Variants in TSPAN9 observed in about 807,000 individuals in gnomAD.
TSPAN9 encodes tetraspanin 9.
In TSPAN9, 16 loss-of-function variants were observed where a neutral mutation model predicts 31.0. That is an observed-to-expected ratio of 0.52 (90% CI 0.35 to 0.78). The LOEUF (loss-of-function observed/expected upper bound fraction) is 0.78. TSPAN9 is among the 30% of genes least tolerant of loss of function. The pLI, the probability that TSPAN9 is intolerant of heterozygous loss-of-function variation, is 0.01. For missense variants in TSPAN9, 272 were observed against 312.5 expected (o/e 0.87, Z 0.98); for synonymous variants, 145 against 121.6 (o/e 1.19, Z -1.27).
At chr12:3,089,194 T>C (rs189874450) in intron 2 of TSPAN9, among the ~76,000 whole-genome samples, 3,762 of 145,252 alleles carry the variant, frequency 0.026, 154 homozygotes, top group African/African-American at 0.081. Context: ...ATCGCGCCAC[T>C]GCACTCCAGC....
At chr12:3,099,278 C>T (rs1480172846) in intron 2 of TSPAN9, among the ~76,000 whole-genome samples, 3 of 152,152 alleles carry the variant, frequency 2.0e-5, no homozygotes, top group African/African-American at 4.8e-5. Flanking sequence ...TTCAAGCGCA[C>T]GGATCTTCTG....
At chr12:3,148,530 C>T (rs528766432) in intron 2 of TSPAN9, among the ~76,000 whole-genome samples, 37 of 152,258 alleles carry the variant, frequency 2.4e-4, no homozygotes, top group African/African-American at 8.4e-4. Flanking sequence ...GGGTATGGAA[C>T]GTGGGCAGGG....
intron 2 of TSPAN9, among the ~76,000 whole-genome samples, chr12:3,190,666 A>G (rs1201344857): frequency 6.6e-6 from 1 of 152,192 alleles, no homozygotes; most frequent in African/African-American, 2.4e-5. Flanking sequence ...CTAGGGCCCA[A>G]TCTCTGCTGC....
At chr12:3,278,142 T>G (rs1591722061) in intron 3 of TSPAN9, among the ~76,000 whole-genome samples, 1 of 152,190 alleles carries the variant, frequency 6.6e-6, no homozygotes, top group East Asian at 1.9e-4. Context: ...TTTGCCTCTG[T>G]GTGGTTTAAT....
intron 5 of TSPAN9, among the ~76,000 whole-genome samples, 177 bp downstream of exon 5, chr12:3,279,243 T>A (rs147191345): frequency 6.6e-6 from 1 of 152,060 alleles, no homozygotes; most frequent in East Asian, 1.9e-4. Flanking sequence ...GATGGAAGGT[T>A]TTGATGGGGG....
intron 2 of TSPAN9, among the ~76,000 whole-genome samples, chr12:3,185,618 C>T (rs740767): frequency 0.26 from 38,803 of 152,128 alleles, 5,057 homozygotes; most frequent in East Asian, 0.41. Context: ...ACCCCGGCTG[C>T]CAGCCTGCTG....
chr12:3,139,106 G>A lies in TSPAN9; in HGVS notation c.-18+55387G>A, dbSNP rs1045194538. Among the ~76,000 whole-genome samples the A allele has an allele frequency of 8.5e-5, 13 of 152,144 alleles. No individual in the cohort carries two copies. In the South Asian group the frequency reaches 2.5e-3, roughly 29 times the overall value. On this transcript the variant is annotated intron_variant, in intron 2 of 8. Coordinates refer to ENST00000011898, the MANE Select transcript of TSPAN9 (RefSeq NM_006675.5). ...GCCCAAGTGCTCAGTTTTCTGGGCT[G>A]TAAATTGCCTCCCGCTGCCCCTTGG...
intron 3 of TSPAN9, among the ~76,000 whole-genome samples, chr12:3,273,671 C>T (rs1375026226): frequency 2.6e-5 from 4 of 152,192 alleles, no homozygotes; most frequent in African/African-American, 9.6e-5. Flanking sequence ...GCTGGGCTCC[C>T]TCCACCAGAG....
chr12:3,274,302 G>A (rs1297211535), intron 3 of TSPAN9, among the ~76,000 whole-genome samples: 1 of 152,214 alleles, frequency 6.6e-6, no homozygotes, highest in East Asian at 1.9e-4. Context: ...CTAAGACTGC[G>A]CCAGAGGGAC....
At chr12:3,078,163 T>A (rs773774910) in intron 1 of TSPAN9, among the ~76,000 whole-genome samples, 2 of 152,208 alleles carry the variant, frequency 1.3e-5, no homozygotes, top group African/African-American at 4.8e-5. Flanking sequence ...ATGCCTGTTT[T>A]GTCTGGGGAA....
chr12:3,246,196 T>G, intron 3 of TSPAN9, among the ~76,000 whole-genome samples: 1 of 149,988 alleles, frequency 6.7e-6, no homozygotes. Context: ...GGGCGGGGGG[T>G]GGTGCCACAC....
chr12:3,105,814 G>GCACACGCGCACA (rs2098314255), intron 2 of TSPAN9, among the ~76,000 whole-genome samples: 1 of 115,742 alleles, frequency 8.6e-6, no homozygotes, highest in Non-Finnish European at 2.1e-5. Flanking sequence ...GCGCACACAC[G>GCACACGCGCACA]CACACGCGCA....
chr12:3,146,981 G>T (rs1014144691), intron 2 of TSPAN9, among the ~76,000 whole-genome samples: 21 of 152,214 alleles, frequency 1.4e-4, no homozygotes, highest in Middle Eastern at 3.4e-3. Flanking sequence ...CGGAAAATGG[G>T]TTTAACCACA....
rs574538577 is a variant in TSPAN9, at chr12:3,284,890, C to G, written c.*1774C>G. On this transcript the variant is annotated 3_prime_UTR_variant, in exon 9 of 9. Transcript: ENST00000011898. ...ATCCAAGAGCTGAGACACGGCCACCCAGCACCAGTCACTCCTCTGTTCACC... is the reference window on the plus strand; with the variant it reads ...ATCCAAGAGCTGAGACACGGCCACCGAGCACCAGTCACTCCTCTGTTCACC... The G allele has an allele frequency of 1.8e-4, 27 of 152,422 alleles. No individual in the cohort carries two copies. Among genetic ancestry groups the G allele is most frequent in the African/African-American group, 6.3e-4 (26 of 41,578 alleles). 9.4% of individuals were successfully genotyped at this position (152,422 alleles called of 1,614,324 possible).
intron 2 of TSPAN9, among the ~76,000 whole-genome samples, chr12:3,115,971 A>C (rs1248314535): frequency 1.3e-5 from 2 of 152,200 alleles, no homozygotes; most frequent in Admixed American, 6.5e-5. Context: ...TTTTTTTAAC[A>C]ACCCTTTTTA....
intron 2 of TSPAN9, among the ~76,000 whole-genome samples, chr12:3,159,225 A>G (rs1344411835): frequency 1.3e-5 from 2 of 151,414 alleles, no homozygotes; most frequent in Non-Finnish European, 1.5e-5. Flanking sequence ...GATTGAGAGC[A>G]GGAGCCGTGG....
At chr12:3,193,567 C>T (rs1305583661) in intron 2 of TSPAN9, among the ~76,000 whole-genome samples, 1 of 152,212 alleles carries the variant, frequency 6.6e-6, no homozygotes, top group Non-Finnish European at 1.5e-5. Context: ...CCAGAAGTGG[C>T]CTCTGACAAG....
intron 3 of TSPAN9, among the ~76,000 whole-genome samples, chr12:3,210,867 T>G (rs149569172): frequency 0.013 from 1,963 of 151,752 alleles, 21 homozygotes; most frequent in South Asian, 0.039. Context: ...CATACCAGCC[T>G]CCTGAGTAGC....
At chr12:3,246,858 G>C (rs1213534865) in intron 3 of TSPAN9, among the ~76,000 whole-genome samples, 1 of 152,212 alleles carries the variant, frequency 6.6e-6, no homozygotes, top group Non-Finnish European at 1.5e-5. Flanking sequence ...TCTCTGCTTT[G>C]TAGCCTCACT....
Sources: gnomAD v4.1 joint callset for allele counts (sites outside exome capture counted in the v4.1 genomes callset) on GRCh38, gnomAD v4.1.1 for gene constraint, MANE v1.5 for transcripts, NCBI Gene and HGNC (gene_info 2026-07-23, HGNC 2026-07-21) for gene names.